WNK2: variants seen among roughly 807,000 people sequenced by gnomAD.
The protein encoded by WNK2 is WNK lysine deficient protein kinase 2.
Under a neutral mutation model 192.1 loss-of-function variants are expected in WNK2, and 67 were observed. That is an observed-to-expected ratio of 0.35 (90% CI 0.29 to 0.43). WNK2 has a LOEUF of 0.43. WNK2 is among the 20% of genes least tolerant of loss of function. The pLI, the probability that WNK2 is intolerant of heterozygous loss-of-function variation, is 1.00. For synonymous variants in WNK2, 1,439 were observed against 1,393.9 expected, an observed-to-expected ratio of 1.03 and a Z score of -0.72; for missense variants, 2,698 against 3,089.7, an observed-to-expected ratio of 0.87 and a Z score of 3.01.
intron 16 of WNK2, among the ~76,000 whole-genome samples, chr9:93,265,815 C>G (rs1374189163): frequency 6.6e-6 from 1 of 152,236 alleles, no homozygotes; most frequent in African/African-American, 2.4e-5. Context: ...GTCCACTGGC[C>G]CCCTGGTTTT....
intron 26 of WNK2, among the ~76,000 whole-genome samples, chr9:93,302,421 G>GT (rs1851771657): frequency 6.6e-6 from 1 of 152,176 alleles, no homozygotes; most frequent in African/African-American, 2.4e-5. Flanking sequence ...GGTGCGGCTA[G>GT]TGGGGGGCAG....
intron 16 of WNK2, among the ~76,000 whole-genome samples, chr9:93,265,044 G>A (rs1436892658): frequency 1.3e-5 from 2 of 152,250 alleles, no homozygotes; most frequent in African/African-American, 2.4e-5. Context: ...GCAAGTCCCT[G>A]CCTTAGTGTC....
chr9:93,250,942 G>T (rs1015585307), intron 8 of WNK2, among the ~76,000 whole-genome samples: 1 of 150,742 alleles, frequency 6.6e-6, no homozygotes, highest in Non-Finnish European at 1.5e-5. Flanking sequence ...GTGCCACCAT[G>T]CCTTGGCTAA....
Position 93,229,572 on chromosome 9 carries a change from C to A in WNK2, c.682-124C>A. 9.0e-7 allele frequency: 1 copy of A among 1,115,948 alleles called. No homozygotes were observed. The allele number at this position is 1,115,948 out of a possible 1,614,324, so 69.1% of individuals were successfully genotyped here. A position where few individuals can be genotyped will look rare whatever the true frequency, so the allele number is the denominator to read the frequency against. ...TGTCTGCATGCCCTTCTATCATAGC[C>A]GCTTAGCTGCCTGTGGGTATGGGAA... On this transcript the variant is annotated intron_variant, in intron 2 of 29. Transcript: ENST00000427277. The surrounding 1 kb of genome is among the most constrained non-coding windows in gnomAD (Gnocchi z 4.9).
chr9:93,245,190 C>A (rs555329895), intron 7 of WNK2, among the ~76,000 whole-genome samples: 17 of 152,350 alleles, frequency 1.1e-4, no homozygotes, highest in African/African-American at 4.1e-4. Flanking sequence ...CATTTATTTT[C>A]CACGAACCAT....
intron 2 of WNK2, among the ~76,000 whole-genome samples, chr9:93,201,753 A>G (rs1832398255): frequency 6.6e-6 from 1 of 152,218 alleles, no homozygotes; most frequent in African/African-American, 2.4e-5. Context: ...CCTGTCTGAA[A>G]TGGCCTGTCA....
chr9:93,200,631 A>T (rs975196926), intron 2 of WNK2, among the ~76,000 whole-genome samples: 3 of 152,096 alleles, frequency 2.0e-5, no homozygotes, highest in African/African-American at 7.2e-5. Context: ...GCTTGGGGAA[A>T]ACTGAGCCCA....
At chr9:93,307,759 C>G (rs1433431737) in intron 27 of WNK2, 1 of 152,746 alleles carries the variant, frequency 6.5e-6, no homozygotes, top group Non-Finnish European at 1.5e-5. Flanking sequence ...TCCAAACAAC[C>G]AGACCATTAA....
chr9:93,292,174 G>A (rs1564184333), intron 21 of WNK2, 134 bp from the exon 22 acceptor site: 1 of 862,960 alleles, frequency 1.2e-6, no homozygotes, highest in Middle Eastern at 2.5e-4. Flanking sequence ...GCTCCTCCCA[G>A]TACCCACTTC....
intron 19 of WNK2, among the ~76,000 whole-genome samples, chr9:93,270,998 G>C (rs1178517784): frequency 6.6e-6 from 1 of 152,200 alleles, no homozygotes; most frequent in African/African-American, 2.4e-5. Context: ...ATCATGGAGA[G>C]CACAGAAAAG....
chr9:93,233,696 C>T (rs1399410152), intron 4 of WNK2, among the ~76,000 whole-genome samples: 2 of 89,534 alleles, frequency 2.2e-5, no homozygotes, highest in African/African-American at 4.3e-5. Context: ...AGTGAGATTC[C>T]GTCTCAAAAA....
chr9:93,210,452 C>T (rs942256397), intron 2 of WNK2, among the ~76,000 whole-genome samples: 1 of 152,202 alleles, frequency 6.6e-6, no homozygotes, highest in African/African-American at 2.4e-5. Flanking sequence ...CGAGTGGGAC[C>T]ACACTGTCTG....
intron 2 of WNK2, among the ~76,000 whole-genome samples, chr9:93,225,475 T>G (rs763756669): frequency 2.6e-5 from 4 of 152,202 alleles, no homozygotes; most frequent in Admixed American, 2.0e-4. Context: ...TGAGATCCTC[T>G]TCCCTTCCAA....
At position 93,229,933 on chromosome 9, in the gene WNK2, GGTGA is replaced by G. The variant is rs1198941471; in HGVS notation, c.854+67_854+70del. On this transcript the variant is annotated intron_variant, in intron 3 of 29. Transcript: ENST00000427277. This position sits in a 1 kb window ranked among gnomAD's most constrained non-coding sequence, Gnocchi z 4.9. ...TGGGTGCAGGGCTACCATAGCTGAGGGTGAGGTCTTGGGCTGCTGGGGTGGTCCT... is the reference window on the plus strand; with the variant it reads ...TGGGTGCAGGGCTACCATAGCTGAGGGGTCTTGGGCTGCTGGGGTGGTCCT... The G allele has an allele frequency of 6.4e-7, 1 of 1,558,088 alleles. No individual in the cohort carries two copies. The highest frequency in any genetic ancestry group is 1.4e-5 in the African/African-American group (1 of 73,920).
At chr9:93,208,714 TATGCTCTTC>T (rs1833877094) in intron 2 of WNK2, among the ~76,000 whole-genome samples, 2 of 996 alleles carry the variant, frequency 2.0e-3, no homozygotes, top group Admixed American at 0.019. Flanking sequence ...GTGTTCTGTG[TATGCTCTTC>T]GTGCGTGTTC....
At chr9:93,265,680 G>A (rs1222310032) in intron 16 of WNK2, among the ~76,000 whole-genome samples, 2 of 152,232 alleles carry the variant, frequency 1.3e-5, no homozygotes, top group African/African-American at 2.4e-5. Context: ...TAATAATAAA[G>A]TGAACACCCG....
rs146463363 is a variant in WNK2 at position 93,307,846 on chromosome 9, G to A, written c.6260-482G>A. On this transcript the variant is annotated intron_variant, in intron 27 of 29. Transcript: ENST00000427277. ...CAGGGGGCTGCCTGCAGGCCAGCCCGCCGTGTGTGCTGAGCGCTCTGCACA... is the reference window on the plus strand; with the variant it reads ...CAGGGGGCTGCCTGCAGGCCAGCCCACCGTGTGTGCTGAGCGCTCTGCACA... 161 of 154,282 alleles carry A rather than the reference G, an allele frequency of 1.0e-3. 4 individuals carry two copies. In the East Asian group the frequency reaches 0.018, roughly 17 times the overall value. 9.6% of individuals were successfully genotyped at this position (154,282 alleles called of 1,614,324 possible).
At chr9:93,240,010 A>G in intron 7 of WNK2, 34 bp downstream of exon 7, 1 of 1,582,938 alleles carries the variant, frequency 6.3e-7, no homozygotes, top group Non-Finnish European at 8.6e-7. Context: ...AGGTGGGTGC[A>G]GGTGTTGGCA....
chr9:93,318,903 GTA>G (rs1445590360), intron 29 of WNK2: 4 of 1,405,242 alleles, frequency 2.8e-6, no homozygotes, highest in Non-Finnish European at 3.7e-6. Context: ...GCTGTGAATT[GTA>G]TAGTTTCTGT....
Sources: allele counts gnomAD v4.1 joint callset (sites outside exome capture counted in the v4.1 genomes callset), GRCh38; gene constraint gnomAD v4.1.1; non-coding constraint Gnocchi (gnomAD v3.1); transcripts MANE v1.5; gene names NCBI Gene and HGNC (gene_info 2026-07-23, HGNC 2026-07-21).